Variants in EDC4 observed in about 807,000 individuals in gnomAD.
EDC4 encodes enhancer of mRNA decapping 4, also known as enhancer of mRNA-decapping protein 4.
EDC4 carries 64 observed loss-of-function variants against 155.8 expected under a neutral mutation model. The ratio of observed to expected loss-of-function variants is 0.41; its 90% CI spans 0.34 to 0.51. The LOEUF (loss-of-function observed/expected upper bound fraction) is 0.51, where lower values mean the gene tolerates loss of function less well. Among genes scored for constraint, EDC4 ranks in the 20% least tolerant of loss-of-function variants. EDC4 has a pLI of 0.19. For missense variants in EDC4, 1,303 were observed against 1,812.5 expected (o/e 0.72, Z 5.10); for synonymous variants, 684 against 716.8 (o/e 0.95, Z 0.73).
Position 67,878,542 on chromosome 16 carries a change from T to C in EDC4, c.1095T>C (p.Pro365=), listed in dbSNP as rs1430820369. ...DNHKKQDPDV[P]FWRFLITGAD... is the part of the protein sequence containing the mutation. ...CTGCCTTGTTGCCTTGCAGTGTCCCTTTCTGGAGGTTCCTTATTACTGGTG... is the reference window on the plus strand; with the variant it reads ...CTGCCTTGTTGCCTTGCAGTGTCCCCTTCTGGAGGTTCCTTATTACTGGTG... The change falls in exon 10 of 29, where the codon CCT becomes CCC. Residue 365 remains proline (P), a synonymous_variant. Transcript: ENST00000358933. This position sits in a 1 kb window ranked among gnomAD's most constrained non-coding sequence, Gnocchi z 5.2. 1 of 1,614,096 alleles carries C rather than the reference T, an allele frequency of 6.2e-7. No individual in the cohort carries two copies. The highest frequency in any genetic ancestry group is 8.5e-7 in the Non-Finnish European group (1 of 1,180,042).
Position 67,879,744 on chromosome 16 carries a change from C to T in EDC4, c.1791C>T (p.Ala597=), listed in dbSNP as rs1333151757. The change falls in exon 15 of 29, where the codon GCC becomes GCT. Residue 597 remains alanine (A), a synonymous_variant. Transcript: ENST00000358933. This position sits in a 1 kb window ranked among gnomAD's most constrained non-coding sequence, Gnocchi z 6.0. ...AGCCCAAGTTGATGACACCTGACGC[C>T]TTCATGACACCTAGCGCCTCCTTGC... is the stretch of plus-strand genomic sequence containing the variant. ...ETKPKLMTPD[A]FMTPSASLQQ... The T allele has an allele frequency of 6.2e-7, 1 of 1,614,170 alleles. No individual in the cohort carries two copies. The highest frequency in any genetic ancestry group is 8.5e-7 in the Non-Finnish European group (1 of 1,180,022).
chr16:67,884,183 A>AC lies in EDC4; in HGVS notation c.*36dup, dbSNP rs1278765538. On this transcript the variant is annotated 3_prime_UTR_variant, in exon 29 of 29. Transcript: ENST00000358933. This position sits in a 1 kb window ranked among gnomAD's most constrained non-coding sequence, Gnocchi z 4.1. Reference sequence around the variant, plus strand: ...CTGCCTTGCCCAGGGGTGGGATGGCACTGAAGGCCAGCAGACAGGCCTAGG... The same window carrying AC: ...CTGCCTTGCCCAGGGGTGGGATGGCACCTGAAGGCCAGCAGACAGGCCTAGG... 6.4e-7 allele frequency: 1 copy of AC among 1,558,098 alleles called. No homozygotes were observed. The highest frequency in any genetic ancestry group is 1.8e-5 in the Admixed American group (1 of 56,156).
Position 67,884,125 on chromosome 16 carries a change from C to G in EDC4, c.4183C>G (p.Leu1395Val). 1 of 1,611,500 alleles carries G rather than the reference C, an allele frequency of 6.2e-7. No homozygotes were observed. ...GCGTCTCAGCCTCATGCTGCATGGC[C>G]TCGTGACCCCCAGCCTCCCTTAGCT... ...ARRLSLMLHGLVTPSLP is the reference protein window; with the variant it reads ...ARRLSLMLHGVVTPSLP Residue 1395 changes from leucine (L) to valine (V), a missense_variant, in exon 29 of 29, where the codon CTC becomes GTC. Leu to Val is a conservative substitution (Grantham distance 32, BLOSUM62 1). Around this residue, in one of 5 missense-constraint regions of EDC4, gnomAD observed 527 missense variants for 757.0 expected, o/e 0.70. Transcript: ENST00000358933. This position sits in a 1 kb window ranked among gnomAD's most constrained non-coding sequence, Gnocchi z 4.1.
At position 67,878,240 on chromosome 16, in the gene EDC4, C is replaced by T; in HGVS notation, c.969C>T (p.Phe323=). The T allele has an allele frequency of 6.2e-7, 1 of 1,614,214 alleles. No homozygotes were observed. The highest frequency in any genetic ancestry group is 1.1e-5 in the South Asian group (1 of 91,084). The stretch of plus-strand genomic sequence containing the variant: ...CGAGCCACGATGGCTATGTCAAGTT[C>T]TGGCAGATCTACATTGAGGGGCAAG... ...ATASHDGYVK[F]WQIYIEGQDE... The change falls in exon 8 of 29, where the codon TTC becomes TTT. Residue 323 remains phenylalanine, a synonymous_variant. Transcript: ENST00000358933. The surrounding 1 kb of genome is among the most constrained non-coding windows in gnomAD (Gnocchi z 5.2).
chr16:67,879,536 T>G lies in EDC4; in HGVS notation c.1633+33T>G. The G allele has an allele frequency of 6.2e-7, 1 of 1,613,994 alleles. No individual in the cohort carries two copies. Among genetic ancestry groups the G allele is most frequent in the African/African-American group, 1.3e-5 (1 of 75,018 alleles). ...GGGCGTGAGAGGGAGGTAGGGTAAG[T>G]TGGACTGACCAGGGTCTGAGATCTA... On this transcript the variant is annotated intron_variant, in intron 14 of 28. Transcript: ENST00000358933. The surrounding 1 kb of genome is among the most constrained non-coding windows in gnomAD (Gnocchi z 6.0).
rs1375352437 is a variant in EDC4 at position 67,882,449 on chromosome 16, C to G, written c.3297C>G (p.Ala1099=). ...CCCAGAACTTGACTGATGCCATCGC[C>G]CGAGCAGCTGCAGACACATTACAAG... ...LKSKNLTDAI[A]RAAADTLQGP... is the part of the protein sequence containing the mutation. Residue 1099 remains alanine, a synonymous_variant, in exon 25 of 29, where the codon GCC becomes GCG. Transcript: ENST00000358933. This position sits in a 1 kb window ranked among gnomAD's most constrained non-coding sequence, Gnocchi z 7.2. 1.9e-6 allele frequency: 3 copies of G among 1,613,860 alleles called. No individual in the cohort carries two copies. The highest frequency in any genetic ancestry group is 2.7e-5 in the African/African-American group (2 of 75,040).
Position 67,881,926 on chromosome 16 carries a change from C to T in EDC4, c.3005-28C>T, listed in dbSNP as rs748795724. 1 of 1,603,602 alleles carries T rather than the reference C, an allele frequency of 6.2e-7. No individual in the cohort carries two copies. The highest frequency in any genetic ancestry group is 1.1e-5 in the South Asian group (1 of 90,462). On this transcript the variant is annotated intron_variant, in intron 22 of 28. Transcript: ENST00000358933. The surrounding 1 kb of genome is among the most constrained non-coding windows in gnomAD (Gnocchi z 5.4). ...CCTGGGAAGGAGTACACGACCTGCT[C>T]CAGGCCCGTTCCTTAGCTATGGCGC...
chr16:67,873,521 C>T (rs2058029594), intron 1 of EDC4, 178 bp downstream of exon 1: 2 of 480,270 alleles, frequency 4.2e-6, no homozygotes, highest in Non-Finnish European at 7.2e-6. Flanking sequence ...TGTGACCCCT[C>T]CCTATCTTGT....
Position 67,876,536 on chromosome 16 carries a change from G to A in EDC4, c.288G>A (p.Lys96=), listed in dbSNP as rs2151304336. The A allele has an allele frequency of 6.2e-7, 1 of 1,614,192 alleles. No homozygotes were observed. The change falls in exon 3 of 29, where the codon AAG becomes AAA. Residue 96 remains lysine (K), a synonymous_variant. Coordinates refer to ENST00000358933, the MANE Select transcript of EDC4 (RefSeq NM_014329.5). The surrounding 1 kb of genome is among the most constrained non-coding windows in gnomAD (Gnocchi z 5.8). ...CCACCTGCATTGGGATTTTGGCCAA[G>A]GAGGTGGAGATTGTGGCTAGCAGTG... is the stretch of plus-strand genomic sequence containing the variant. ...DSSTCIGILA[K]EVEIVASSDS...
In EDC4 at chr16:67,875,133, T is replaced by C. The variant is rs569421648; in HGVS notation, c.83-812T>C. ...CCACCTGGGGATTTTGGAAATGGTG[T>C]CTGAGCCTATGAGAGTGTTTGAAAC... On this transcript the variant is annotated intron_variant, in intron 1 of 28. Coordinates refer to ENST00000358933, the MANE Select transcript of EDC4 (RefSeq NM_014329.5). Among the ~76,000 whole-genome samples the C allele has an allele frequency of 2.0e-5, 3 of 152,284 alleles. No individual in the cohort carries two copies. In the East Asian group the frequency reaches 5.8e-4, roughly 29 times the overall value.
At position 67,882,226 on chromosome 16, in the gene EDC4, C is replaced by T; in HGVS notation, c.3175C>T (p.Leu1059=). 1 of 1,613,840 alleles carries T rather than the reference C, an allele frequency of 6.2e-7. No homozygotes were observed. The change falls in exon 24 of 29, where the codon CTG becomes TTG. Residue 1059 remains leucine, a synonymous_variant. Transcript: ENST00000358933. This position sits in a 1 kb window ranked among gnomAD's most constrained non-coding sequence, Gnocchi z 7.2. ...CCCTCTCCCAGGTGTCTCAAGGAGT[C>T]TGGAGCCTATGGCAGGCCAACTGAG... ...KTVPPCVSRS[L]EPMAGQLSNS...
chr16:67,882,669 C>T lies in EDC4; in HGVS notation c.3443-10C>T. On this transcript the variant is annotated splice_polypyrimidine_tract_variant and intron_variant, in intron 25 of 28. Coordinates refer to ENST00000358933, the MANE Select transcript of EDC4 (RefSeq NM_014329.5). This position sits in a 1 kb window ranked among gnomAD's most constrained non-coding sequence, Gnocchi z 7.2. ...CTGTTCCTCTTATAGTCCCTGTGGT[C>T]ACCCCTCAGACTTGCAGCAGCTAGA... 1 of 1,614,170 alleles carries T rather than the reference C, an allele frequency of 6.2e-7. No individual in the cohort carries two copies. The highest frequency in any genetic ancestry group is 1.3e-5 in the African/African-American group (1 of 75,040).
In EDC4 at chr16:67,881,607, C is replaced by T; in HGVS notation, c.2827-61C>T. 6.2e-7 allele frequency: 1 copy of T among 1,612,556 alleles called. No individual in the cohort carries two copies. The highest frequency in any genetic ancestry group is 8.5e-7 in the Non-Finnish European group (1 of 1,179,116). Reference sequence around the variant, plus strand: ...GTGGAGAAGGGCTCTGGGCCATTCCCTGGTCTGGTGTGTGGGAATAGGTGG... The same window carrying T: ...GTGGAGAAGGGCTCTGGGCCATTCCTTGGTCTGGTGTGTGGGAATAGGTGG... On this transcript the variant is annotated intron_variant, in intron 21 of 28. Transcript: ENST00000358933. The surrounding 1 kb of genome is among the most constrained non-coding windows in gnomAD (Gnocchi z 5.4).
rs1363504758 is a variant in EDC4 at position 67,880,358 on chromosome 16, T to A, written c.2097+142T>A. Reference sequence around the variant, plus strand: ...GTGTTTCCCTGAGGTCATTTCACCCTCCTGTGTTTCCTGGTGGGTGTCTCC... The same window carrying A: ...GTGTTTCCCTGAGGTCATTTCACCCACCTGTGTTTCCTGGTGGGTGTCTCC... On this transcript the variant is annotated intron_variant, in intron 17 of 28. Coordinates refer to ENST00000358933, the MANE Select transcript of EDC4 (RefSeq NM_014329.5). This position sits in a 1 kb window ranked among gnomAD's most constrained non-coding sequence, Gnocchi z 5.2. The A allele has an allele frequency of 2.2e-6, 3 of 1,372,354 alleles. No homozygotes were observed. Among genetic ancestry groups the A allele is most frequent in the Non-Finnish European group, 2.0e-6 (2 of 1,021,086 alleles). 85.0% of individuals were successfully genotyped at this position (1,372,354 alleles called of 1,614,324 possible).
In EDC4 at chr16:67,878,290, CA is replaced by C; in HGVS notation, c.1004+16del. The C allele has an allele frequency of 6.2e-7, 1 of 1,614,212 alleles. No homozygotes were observed. The highest frequency in any genetic ancestry group is 1.1e-5 in the South Asian group (1 of 91,084). On this transcript the variant is annotated intron_variant, in intron 8 of 28. Transcript: ENST00000358933. The surrounding 1 kb of genome is among the most constrained non-coding windows in gnomAD (Gnocchi z 5.2). ...GATGAGCCAAGGTAAGGCAGGGCCT[CA>C]GGGACCAGGATCCTCCCGAGGTAGC...
At chr16:67,874,681 C>T (rs534691723) in intron 1 of EDC4, among the ~76,000 whole-genome samples, 1 of 152,288 alleles carries the variant, frequency 6.6e-6, no homozygotes, top group East Asian at 1.9e-4. Flanking sequence ...ATGAAGTGGC[C>T]TGGAGGCTTT....
Position 67,882,467 on chromosome 16 carries a change from A to T in EDC4, c.3315A>T (p.Thr1105=). 2 of 1,614,180 alleles carry T rather than the reference A, an allele frequency of 1.2e-6. No individual in the cohort carries two copies. The highest frequency in any genetic ancestry group is 8.5e-7 in the Non-Finnish European group (1 of 1,180,040). Residue 1105 remains threonine (T), a synonymous_variant, in exon 25 of 29, where the codon ACA becomes ACT. Coordinates refer to ENST00000358933, the MANE Select transcript of EDC4 (RefSeq NM_014329.5). This position sits in a 1 kb window ranked among gnomAD's most constrained non-coding sequence, Gnocchi z 7.2. ...TDAIARAAAD[T]LQGPMQAAYR... is the part of the protein sequence containing the mutation. Reference sequence around the variant, plus strand: ...CCATCGCCCGAGCAGCTGCAGACACATTACAAGGGCCGATGCAGGCTGCCT... The same window carrying T: ...CCATCGCCCGAGCAGCTGCAGACACTTTACAAGGGCCGATGCAGGCTGCCT...
In EDC4 at chr16:67,883,168, C is replaced by T. The variant is rs757101777; in HGVS notation, c.3840C>T (p.Ala1280=). 1.0e-5 allele frequency: 16 copies of T among 1,580,588 alleles called. No individual in the cohort carries two copies. Among genetic ancestry groups the T allele is most frequent in the African/African-American group, 2.7e-5 (2 of 74,328 alleles). ...QLLQQGHLNQ[A]FQQALTAADL... ...TGCAGCAGGGCCACCTCAATCAGGC[C>T]TTCCAGCAGGTACGATAGGCATTAG... The change falls in exon 27 of 29, where the codon GCC becomes GCT. Residue 1280 remains alanine (A), a synonymous_variant. Coordinates refer to ENST00000358933, the MANE Select transcript of EDC4 (RefSeq NM_014329.5). This position sits in a 1 kb window ranked among gnomAD's most constrained non-coding sequence, Gnocchi z 5.3.
chr16:67,881,912 G>C lies in EDC4; in HGVS notation c.3005-42G>C. On this transcript the variant is annotated intron_variant, in intron 22 of 28. Coordinates refer to ENST00000358933, the MANE Select transcript of EDC4 (RefSeq NM_014329.5). This position sits in a 1 kb window ranked among gnomAD's most constrained non-coding sequence, Gnocchi z 5.4. ...GGCAGCATTCTTGGCCTGGGAAGGA[G>C]TACACGACCTGCTCCAGGCCCGTTC... 6.2e-7 allele frequency: 1 copy of C among 1,603,486 alleles called. No individual in the cohort carries two copies. The highest frequency in any genetic ancestry group is 8.5e-7 in the Non-Finnish European group (1 of 1,172,156).
Sources: allele counts gnomAD v4.1 joint callset (sites outside exome capture counted in the v4.1 genomes callset), GRCh38; gene constraint gnomAD v4.1.1; regional missense constraint gnomAD v4.1.1; non-coding constraint Gnocchi (gnomAD v3.1); transcripts MANE v1.5; gene names NCBI Gene and HGNC (gene_info 2026-07-23, HGNC 2026-07-21).